The following MYOM2 variants were observed in gnomAD, a reference collection of about 807,000 sequenced individuals.
The protein encoded by MYOM2 is myomesin-2.
In MYOM2, 254 loss-of-function variants were observed where a neutral mutation model predicts 187.6. The ratio of observed to expected loss-of-function variants is 1.35; its 90% CI spans 1.22 to 1.50. The LOEUF is 1.50. MYOM2 is among the 40% of genes most tolerant of loss of function. MYOM2 has a pLI of 0.00. For missense variants in MYOM2, 2,796 were observed against 1,924.0 expected (o/e 1.45, Z -8.48); for synonymous variants, 981 against 753.8 (o/e 1.30, Z -4.94).
chr8:2,111,637 G>A (rs867843159), intron 25 of MYOM2, among the ~76,000 whole-genome samples: 1 of 152,188 alleles, frequency 6.6e-6, no homozygotes, highest in Non-Finnish European at 1.5e-5. Context: ...TCCACGGGAC[G>A]GTGTATCCAC....
intron 31 of MYOM2, among the ~76,000 whole-genome samples, chr8:2,128,339 C>G (rs1056957322): frequency 4.6e-5 from 7 of 152,220 alleles, no homozygotes; most frequent in Non-Finnish European, 8.8e-5. Flanking sequence ...TAAAATGCCT[C>G]TTTGTTACAC....
At chr8:2,123,993 T>C (rs989322941) in intron 30 of MYOM2, among the ~76,000 whole-genome samples, 186 bp from the exon 31 acceptor site, 1 of 152,226 alleles carries the variant, frequency 6.6e-6, no homozygotes, top group Non-Finnish European at 1.5e-5. Flanking sequence ...GATCCTTTTT[T>C]AAAAGTGAAT....
At chr8:2,140,617 C>T (rs1017450457) in intron 32 of MYOM2, 106 bp from the exon 33 acceptor site, 12 of 1,103,798 alleles carry the variant, frequency 1.1e-5, no homozygotes, top group Non-Finnish European at 1.4e-5. Flanking sequence ...ACATTGGCAT[C>T]AGCAGCTTAG....
intron 25 of MYOM2, among the ~76,000 whole-genome samples, chr8:2,111,016 C>A (rs529544403): frequency 1.3e-5 from 2 of 152,338 alleles, no homozygotes; most frequent in East Asian, 3.9e-4. Context: ...GGGAGACTTA[C>A]TGTCTGATCC....
At chr8:2,129,383 C>G (rs1295757391) in intron 32 of MYOM2, 151 bp downstream of exon 32, 1 of 534,128 alleles carries the variant, frequency 1.9e-6, no homozygotes, top group Non-Finnish European at 3.4e-6. Context: ...ACCTTTAGCT[C>G]AGGGAAGGGG....
chr8:2,097,088 C>T lies in MYOM2; in HGVS notation c.2313+654C>T. On this transcript the variant is annotated intron_variant, in intron 18 of 36. Transcript: ENST00000262113. ...AGCTCCCGTCCGGACTGTGGGGAGC[C>T]ACAGACCTCAGGGGAGTCACTTACA... 5 of 979,814 alleles carry T rather than the reference C, an allele frequency of 5.1e-6. No homozygotes were observed. In the South Asian group the frequency reaches 1.4e-4, roughly 28 times the overall value. The allele number at this position is 979,814 out of a possible 1,614,324, so 60.7% of individuals were successfully genotyped here.
intron 32 of MYOM2, among the ~76,000 whole-genome samples, chr8:2,139,766 C>T (rs1490647641): frequency 6.6e-6 from 1 of 152,122 alleles, no homozygotes; most frequent in Non-Finnish European, 1.5e-5. Flanking sequence ...CTCTCAGGCT[C>T]CCTCTAAACT....
chr8:2,109,593 A>G, intron 25 of MYOM2, 62 bp downstream of exon 25: 1 of 1,518,838 alleles, frequency 6.6e-7, no homozygotes, highest in East Asian at 2.3e-5. Context: ...GTGGTAGGTC[A>G]GTTACTGAAT....
rs562675149 is a variant in MYOM2, at chr8:2,102,918, G to A, written c.2734+137G>A. The A allele has an allele frequency of 2.0e-5, 13 of 663,458 alleles. No individual in the cohort carries two copies. The South Asian group carries it at 2.3e-4, about 12-fold the overall frequency. 41.1% of individuals were successfully genotyped at this position (663,458 alleles called of 1,614,324 possible). ...GTGTTATGTGTGTATGTGTGGATGG[G>A]TCTGTAGATAAATGAATGGGAGAGT... On this transcript the variant is annotated intron_variant, in intron 21 of 36. Transcript: ENST00000262113.
intron 21 of MYOM2, among the ~76,000 whole-genome samples, chr8:2,105,474 A>T (rs1365480736): frequency 6.6e-6 from 1 of 152,134 alleles, no homozygotes; most frequent in Non-Finnish European, 1.5e-5. Flanking sequence ...ACTCCCAAAC[A>T]AGACAAGGCA....
intron 2 of MYOM2, among the ~76,000 whole-genome samples, chr8:2,051,080 G>A (rs1194143193): frequency 6.6e-6 from 1 of 152,180 alleles, no homozygotes; most frequent in Non-Finnish European, 1.5e-5. Context: ...CCTGCTGGCC[G>A]AGTTCAGCTC....
At chr8:2,061,334 TG>T (rs776169657) in intron 6 of MYOM2, among the ~76,000 whole-genome samples, 16 of 152,044 alleles carry the variant, frequency 1.1e-4, no homozygotes, top group Non-Finnish European at 2.2e-4. Flanking sequence ...CCCTCCAGCC[TG>T]GTGGTTAGTA....
rs1796049695 is a variant in MYOM2 at position 2,086,351 on chromosome 8, T to TGGCACTCCACTGTCATGATCTCC, written c.1644+962_1644+963insGCACTCCACTGTCATGATCTCCG. ...CGTGGCCCCCCACTGTTGTGATCTC[T>TGGCACTCCACTGTCATGATCTCC]GCGTGGCCTCCCACTGTTGTGATCT... On this transcript the variant is annotated intron_variant, in intron 14 of 36. Transcript: ENST00000262113. Among the ~76,000 whole-genome samples the TGGCACTCCACTGTCATGATCTCC allele has an allele frequency of 4.3e-5, 2 of 46,806 alleles. 1 individual carries two copies. Among genetic ancestry groups the TGGCACTCCACTGTCATGATCTCC allele is most frequent in the Non-Finnish European group, 1.0e-4 (2 of 19,654 alleles). The allele number at this position is 46,806 out of a possible 152,430, so 30.7% of individuals were successfully genotyped here. A position where few individuals can be genotyped will look rare whatever the true frequency, so the allele number is the denominator to read the frequency against.
intron 25 of MYOM2, among the ~76,000 whole-genome samples, chr8:2,112,421 G>T (rs1797098000): frequency 6.6e-6 from 1 of 151,954 alleles, no homozygotes; most frequent in African/African-American, 2.4e-5. Context: ...AGGGATGGGA[G>T]GGAGAGAATG....
chr8:2,055,293 A>G (rs1185048203), intron 3 of MYOM2, among the ~76,000 whole-genome samples: 1 of 152,112 alleles, frequency 6.6e-6, no homozygotes, highest in Non-Finnish European at 1.5e-5. Flanking sequence ...CTGCAGGAGG[A>G]GGATGAGGAC....
At chr8:2,134,311 C>T (rs1161006425) in intron 32 of MYOM2, among the ~76,000 whole-genome samples, 1 of 152,158 alleles carries the variant, frequency 6.6e-6, no homozygotes. Flanking sequence ...CGGAAGCACG[C>T]CCCTCTGTCT....
chr8:2,085,420 T>C (rs1563443868), intron 14 of MYOM2, 30 bp downstream of exon 14: 4 of 1,568,158 alleles, frequency 2.6e-6, no homozygotes, highest in South Asian at 2.3e-5. Context: ...CCTGGAAAAG[T>C]AGATCTCTGC....
At chr8:2,129,998 C>T (rs62479967) in intron 32 of MYOM2, among the ~76,000 whole-genome samples, 8,941 of 152,228 alleles carry the variant, frequency 0.059, 352 homozygotes, top group Middle Eastern at 0.12. Context: ...ACGATCTCTT[C>T]GCTATCCAAA....
At chr8:2,050,610 C>G (rs34380789) in intron 1 of MYOM2, 145 bp from the exon 2 acceptor site, 2 of 533,424 alleles carry the variant, frequency 3.7e-6, no homozygotes, top group Non-Finnish European at 6.8e-6. Flanking sequence ...AAGGTGATTT[C>G]TGGCCATGTA....
Sources: allele counts gnomAD v4.1 joint callset (sites outside exome capture counted in the v4.1 genomes callset), GRCh38; gene constraint gnomAD v4.1.1; transcripts MANE v1.5; gene names NCBI Gene and HGNC (gene_info 2026-07-23, HGNC 2026-07-21).